Variants in TASP1 observed in about 807,000 individuals in gnomAD.
The protein encoded by TASP1 is threonine aspartase 1.
TASP1 carries 16 observed loss-of-function variants against 56.6 expected under a neutral mutation model. The observed-to-expected ratio is 0.28, with a 90% confidence interval of 0.19 to 0.43. The LOEUF (loss-of-function observed/expected upper bound fraction) is 0.43, where lower values mean the gene tolerates loss of function less well. TASP1 is among the 20% of genes least tolerant of loss of function. The pLI is 1.00. For missense variants in TASP1, 393 were observed against 511.6 expected, an observed-to-expected ratio of 0.77 and a Z score of 2.24; for synonymous variants, 179 against 184.2, an observed-to-expected ratio of 0.97 and a Z score of 0.23.
At chr20:13,198,851 T>TTCCTTCCTTCC in the TASP1 span, among the ~76,000 whole-genome samples, 1 of 71,334 alleles carries the variant, frequency 1.4e-5, no homozygotes, top group African/African-American at 4.4e-5. Flanking sequence ...TCTTTCTTTC[T>TTCCTTCCTTCC]TTCTTTCCTT....
At chr20:13,517,140 C>A (rs1248540594) in intron 10 of TASP1, among the ~76,000 whole-genome samples, 1 of 152,006 alleles carries the variant, frequency 6.6e-6, no homozygotes, top group Admixed American at 6.6e-5. Context: ...CTAATATAAG[C>A]CTTTTGCTAT....
At chr20:13,256,390 C>T in the TASP1 span, among the ~76,000 whole-genome samples, 8 of 128,854 alleles carry the variant, frequency 6.2e-5, no homozygotes, top group Admixed American at 5.5e-4. Flanking sequence ...AGTGAGACCC[C>T]GTCTCAAAAA....
chr20:13,115,282 A>G, the TASP1 span, among the ~76,000 whole-genome samples: 9 of 152,176 alleles, frequency 5.9e-5, no homozygotes, highest in Non-Finnish European at 2.9e-5. Flanking sequence ...ATATAACTCT[A>G]TAAAAGCTGA....
rs116845350 is a variant in TASP1, at chr20:13,453,873, T to C, written c.986-18719A>G. The stretch of plus-strand genomic sequence containing the variant: ...AACAAGGGGCTGAGAGGGAGGCTGA[T>C]AGGGCCAAGAGGAACCCACCACTGC... On this transcript the variant is annotated intron_variant, in intron 11 of 13. Coordinates refer to ENST00000337743, the MANE Select transcript of TASP1 (RefSeq NM_017714.3). 4.5e-3 allele frequency among the ~76,000 whole-genome samples: 691 copies of C among 152,074 alleles called. 3 individuals are homozygous for C. The highest frequency in any genetic ancestry group is 0.012 in the East Asian group (60 of 5,148).
intron 13 of TASP1, among the ~76,000 whole-genome samples, chr20:13,391,981 A>AG (rs1370034757): frequency 6.6e-5 from 10 of 151,580 alleles, no homozygotes; most frequent in African/African-American, 1.9e-4. Context: ...AAAAAAAAAA[A>AG]AAAGAAAGAA....
intron 1 of TASP1, among the ~76,000 whole-genome samples, chr20:13,631,093 A>C (rs1423141759): frequency 6.6e-6 from 1 of 152,124 alleles, no homozygotes; most frequent in Non-Finnish European, 1.5e-5. Flanking sequence ...AAATTTTTGA[A>C]AGCTGGTCTT....
intron 11 of TASP1, among the ~76,000 whole-genome samples, chr20:13,473,557 T>C (rs534146186): frequency 1.4e-4 from 22 of 152,232 alleles, no homozygotes; most frequent in Admixed American, 4.6e-4. Context: ...TTAAGAAAAA[T>C]TGCTTGTTTG....
the TASP1 span, among the ~76,000 whole-genome samples, chr20:13,365,514 G>A: frequency 6.0e-4 from 91 of 152,360 alleles, no homozygotes; most frequent in African/African-American, 2.0e-3. Flanking sequence ...CTGAGGTGGT[G>A]ATAGTTGAGC....
intron 10 of TASP1, among the ~76,000 whole-genome samples, chr20:13,527,308 G>C (rs891418348): frequency 6.6e-6 from 1 of 152,164 alleles, no homozygotes; most frequent in Non-Finnish European, 1.5e-5. Flanking sequence ...CTTTGTTAGT[G>C]TGGTGGGGCA....
chr20:13,589,664 GA>G (rs1280469239), intron 4 of TASP1, among the ~76,000 whole-genome samples: 13 of 151,476 alleles, frequency 8.6e-5, no homozygotes, highest in Admixed American at 5.9e-4. Context: ...AAAATAGGGG[GA>G]AAAAAACACA....
At chr20:13,598,784 A>T (rs1274976999) in intron 4 of TASP1, among the ~76,000 whole-genome samples, 1 of 152,232 alleles carries the variant, frequency 6.6e-6, no homozygotes, top group Non-Finnish European at 1.5e-5. Flanking sequence ...CAATCTACTC[A>T]TCTGACAAAG....
chr20:13,170,641 A>G, the TASP1 span, among the ~76,000 whole-genome samples: 2 of 152,206 alleles, frequency 1.3e-5, no homozygotes, highest in African/African-American at 4.8e-5. Flanking sequence ...CCAGCTGCTA[A>G]TTTTTATATC....
At chr20:13,404,154 A>G (rs965593390) in intron 13 of TASP1, among the ~76,000 whole-genome samples, 1 of 152,206 alleles carries the variant, frequency 6.6e-6, no homozygotes, top group Non-Finnish European at 1.5e-5. Flanking sequence ...TGGGCCAGTT[A>G]TTAAACTTCA....
the TASP1 span, among the ~76,000 whole-genome samples, chr20:13,317,264 CA>C: frequency 6.6e-6 from 1 of 151,248 alleles, no homozygotes; most frequent in Non-Finnish European, 1.5e-5. Context: ...CAAAACAAAA[CA>C]AAAAAGCTAC....
the TASP1 span, among the ~76,000 whole-genome samples, chr20:13,154,873 T>C: frequency 6.6e-6 from 1 of 152,172 alleles, no homozygotes; most frequent in Non-Finnish European, 1.5e-5. Context: ...TTATACTAAT[T>C]ACATGTTGTT....
chr20:13,451,674 TTA>T (rs2146294927), intron 11 of TASP1, among the ~76,000 whole-genome samples: 1 of 152,164 alleles, frequency 6.6e-6, no homozygotes, highest in East Asian at 1.9e-4. Context: ...ACACTGAGTG[TTA>T]TATCAGATGT....
chr20:13,270,163 T>G, the TASP1 span, among the ~76,000 whole-genome samples: 1 of 152,218 alleles, frequency 6.6e-6, no homozygotes, highest in Non-Finnish European at 1.5e-5. Flanking sequence ...CAGTTGAAGC[T>G]GTGAGAAGAG....
At position 13,434,490 on chromosome 20, in the gene TASP1, C is replaced by T. The variant is rs764646300; in HGVS notation, c.1096+554G>A. Among the ~76,000 whole-genome samples the T allele has an allele frequency of 1.1e-4, 16 of 152,156 alleles. No homozygotes were observed. In the Middle Eastern group the frequency reaches 0.01, roughly 97 times the overall value. On this transcript the variant is annotated intron_variant, in intron 12 of 13. Coordinates refer to ENST00000337743, the MANE Select transcript of TASP1 (RefSeq NM_017714.3). ...ATCTGGATGGAAATCTGCAAATCTG[C>T]GAAAATACTCATTTGACCCTCCCTC...
intron 7 of TASP1, among the ~76,000 whole-genome samples, chr20:13,560,853 T>C (rs980210383): frequency 3.3e-5 from 5 of 152,238 alleles, no homozygotes; most frequent in African/African-American, 9.6e-5. Context: ...ACACCCAAGA[T>C]ATAAACACCC....
Sources: gnomAD v4.1 joint callset for allele counts (sites outside exome capture counted in the v4.1 genomes callset) on GRCh38, gnomAD v4.1.1 for gene constraint, MANE v1.5 for transcripts, NCBI Gene and HGNC (gene_info 2026-07-23, HGNC 2026-07-21) for gene names.